PRKAG3: variants seen among roughly 807,000 people sequenced by gnomAD.
PRKAG3 encodes the protein protein kinase AMP-activated non-catalytic subunit gamma 3, also known as 5'-AMP-activated protein kinase subunit gamma-3.
A neutral mutation model predicts 56.5 loss-of-function variants in PRKAG3; 39 were observed. That is an observed-to-expected ratio of 0.69 (90% confidence interval 0.53 to 0.90). PRKAG3 has a LOEUF of 0.90. Among genes scored for constraint, PRKAG3 ranks in the 40% least tolerant of loss-of-function variants. The pLI is 0.00. For synonymous variants in PRKAG3, 243 were observed against 250.1 expected, an observed-to-expected ratio of 0.97 and a Z score of 0.27; for missense variants, 628 against 627.5, an observed-to-expected ratio of 1.00 and a Z score of -0.01.
chr2:218,830,753 CT>C lies in PRKAG3; in HGVS notation c.221del (p.Gln74ArgfsTer76). 1 of 1,612,408 alleles carries C rather than the reference CT, an allele frequency of 6.2e-7. No individual in the cohort carries two copies. The highest frequency in any genetic ancestry group is 8.5e-7 in the Non-Finnish European group (1 of 1,179,992). ...AACTGGCCTTGGCCTCACCTTCCCC[CT>C]GACCTGGTGGCTCCCCTTCCTCCAC... is the stretch of plus-strand genomic sequence containing the variant. On this transcript the variant is annotated frameshift_variant, in exon 3 of 13. Transcript: ENST00000529249. LOFTEE classifies it high-confidence loss of function.
intron 10 of PRKAG3, chr2:218,826,703 A>C (rs1468390055): frequency 5.2e-6 from 3 of 579,472 alleles, no homozygotes; most frequent in Non-Finnish European, 9.2e-6. Context: ...GTGAAGTCAG[A>C]AAGATGAGTG....
At chr2:218,831,237 G>A in intron 2 of PRKAG3, 99 bp downstream of exon 2, 1 of 963,654 alleles carries the variant, frequency 1.0e-6, no homozygotes, top group Non-Finnish European at 1.5e-6. Flanking sequence ...AAAGGAGGAA[G>A]ATAAAAGCCA....
Position 218,826,863 on chromosome 2 carries a change from A to G in PRKAG3, c.1168+65T>C. The G allele has an allele frequency of 2.5e-6, 4 of 1,593,924 alleles. No individual in the cohort carries two copies. In the South Asian group the frequency reaches 3.3e-5, roughly 13 times the overall value. ...GCATGAGAAACCCTGCCCTTCCCAT[A>G]TTCTCCCCACCAGGTTCTCCCAGGC... On this transcript the variant is annotated intron_variant, in intron 10 of 12. Transcript: ENST00000529249.
intron 1 of PRKAG3, 38 bp from the exon 2 acceptor site, chr2:218,831,413 G>C: frequency 6.4e-7 from 1 of 1,560,394 alleles, no homozygotes; most frequent in Non-Finnish European, 8.7e-7. Context: ...TGGGGAAAGT[G>C]CCTTACATTC....
intron 2 of PRKAG3, 41 bp from the exon 3 acceptor site, chr2:218,830,942 T>C (rs758547523): frequency 1.9e-6 from 3 of 1,592,010 alleles, no homozygotes; most frequent in Admixed American, 3.3e-5. Context: ...TAGGGAGTAA[T>C]GCATCAAAAT....
exon 12 of PRKAG3, chr2:218,824,281 G>A (rs1173446100): frequency 6.2e-7 from 1 of 1,614,042 alleles, no homozygotes; most frequent in Admixed American, 1.7e-5. Context: ...TGGCAGGAAA[G>A]GACTCCCTCC....
At chr2:218,829,489 T>G (rs2105988982) in intron 4 of PRKAG3, among the ~76,000 whole-genome samples, 1 of 150,852 alleles carries the variant, frequency 6.6e-6, no homozygotes, top group Middle Eastern at 3.4e-3. Context: ...GCCGGCTAAT[T>G]TTTTGTATTT....
chr2:218,829,472 C>T (rs1037797004), intron 4 of PRKAG3, among the ~76,000 whole-genome samples: 1 of 151,998 alleles, frequency 6.6e-6, no homozygotes, highest in South Asian at 2.1e-4. Flanking sequence ...AGGCGCCCAC[C>T]ACCACGGCCG....
At chr2:218,831,485 A>C (rs1392296543) in intron 1 of PRKAG3, 110 bp from the exon 2 acceptor site, 54 of 1,089,814 alleles carry the variant, frequency 5.0e-5, no homozygotes, top group Non-Finnish European at 7.2e-5. Flanking sequence ...ACACGCTCAG[A>C]CACACGCCAT....
intron 1 of PRKAG3, 131 bp downstream of exon 1, chr2:218,831,607 C>A: frequency 8.0e-7 from 1 of 1,246,816 alleles, no homozygotes; most frequent in Non-Finnish European, 1.1e-6. Flanking sequence ...ATGCACATGC[C>A]CATATTCACG....
chr2:218,823,403 T>C (rs914081456), exon 13 of PRKAG3: 9 of 315,746 alleles, frequency 2.9e-5, no homozygotes, highest in Non-Finnish European at 3.7e-5. Context: ...CTTCCCAGAG[T>C]GTCTGAAGTC....
chr2:218,828,622 T>C (rs758669166), intron 4 of PRKAG3, 22 bp from the exon 5 acceptor site: 1 of 1,606,068 alleles, frequency 6.2e-7, no homozygotes, highest in Non-Finnish European at 8.5e-7. Context: ...GGGAGAACAG[T>C]CAAGGGTGGG....
At position 218,827,265 on chromosome 2, in the gene PRKAG3, G is replaced by A; in HGVS notation, c.984C>T (p.Leu328=). Reference sequence around the variant, plus strand: ...GGCTTACAAAGATGTGCAGGAACTTGAGCAGGCGTTTGTGTGTGAGGATGT... The same window carrying A: ...GGCTTACAAAGATGTGCAGGAACTTAAGCAGGCGTTTGTGTGTGAGGATGT... Residue 328 remains leucine (L), a synonymous_variant, in exon 9 of 13, where the codon CTC becomes CTT. Transcript: ENST00000529249. This position sits in a 1 kb window ranked among gnomAD's most constrained non-coding sequence, Gnocchi z 5.3. 1.2e-6 allele frequency: 2 copies of A among 1,614,178 alleles called. No homozygotes were observed. The highest frequency in any genetic ancestry group is 1.7e-6 in the Non-Finnish European group (2 of 1,180,042).
At chr2:218,830,071 G>A (rs35658907) in exon 4 of PRKAG3, 44,922 of 1,613,550 alleles carry the variant, frequency 0.028, 725 homozygotes, top group Non-Finnish European at 0.033. Context: ...AGATCTGGGC[G>A]CCGGGTTTCC....
chr2:218,826,791 A>G, intron 10 of PRKAG3, 137 bp downstream of exon 10: 11 of 1,158,796 alleles, frequency 9.5e-6, no homozygotes, highest in Non-Finnish European at 1.4e-5. Flanking sequence ...CTCAGAGTAG[A>G]CGGAGACTTC....
chr2:218,828,356 G>C (rs1943968290), intron 5 of PRKAG3, among the ~76,000 whole-genome samples, 163 bp downstream of exon 5: 1 of 152,226 alleles, frequency 6.6e-6, no homozygotes, highest in African/African-American at 2.4e-5. Flanking sequence ...GGGTCTCCCA[G>C]CTGGCCATGC....
At position 218,827,774 on chromosome 2, in the gene PRKAG3, A is replaced by T. The variant is rs1474629645; in HGVS notation, c.820+59T>A. 3.2e-6 allele frequency: 5 copies of T among 1,578,982 alleles called. No homozygotes were observed. In the South Asian group the frequency reaches 5.6e-5, roughly 18 times the overall value. On this transcript the variant is annotated intron_variant, in intron 7 of 12. Transcript: ENST00000529249. This position sits in a 1 kb window ranked among gnomAD's most constrained non-coding sequence, Gnocchi z 5.3. ...AGGACATCCCCACTGCCCATCCTCCACCTTAAGCCCTGGCCCACCATCACC... is the reference window on the plus strand; with the variant it reads ...AGGACATCCCCACTGCCCATCCTCCTCCTTAAGCCCTGGCCCACCATCACC...
In PRKAG3 at chr2:218,830,799, C is replaced by T. The variant is rs746256172; in HGVS notation, c.176G>A (p.Arg59Lys). 3.1e-6 allele frequency: 5 copies of T among 1,613,364 alleles called. No individual in the cohort carries two copies. The highest frequency in any genetic ancestry group is 4.5e-5 in the East Asian group (2 of 44,874). ...CTCCACCGACTTCTGCCTTGTCCAT[C>T]TCAAGGCTTTGGCCCTCCGTTTCCC... is the stretch of plus-strand genomic sequence containing the variant. The change falls in exon 3 of 13, where the codon AGA (arginine) becomes AAA (lysine). Residue 59 changes from arginine (R) to lysine (K), a missense_variant. By Grantham distance (26) the Arg-to-Lys change is conservative (BLOSUM62 2). Coordinates refer to ENST00000529249, the Ensembl canonical transcript of PRKAG3.
chr2:218,827,451 C>T lies in PRKAG3; in HGVS notation c.876-78G>A. 6.2e-7 allele frequency: 1 copy of T among 1,608,618 alleles called. No homozygotes were observed. Among genetic ancestry groups the T allele is most frequent in the Non-Finnish European group, 8.5e-7 (1 of 1,175,362 alleles). On this transcript the variant is annotated intron_variant, in intron 8 of 12. Transcript: ENST00000529249. The surrounding 1 kb of genome is among the most constrained non-coding windows in gnomAD (Gnocchi z 5.3). ...CATCCCAGGCCCCTAAAAAGGAGGG[C>T]AGGGCACCAAGGCTCCCTTGTCTGT...
Sources: allele counts gnomAD v4.1 joint callset (sites outside exome capture counted in the v4.1 genomes callset), GRCh38; gene constraint gnomAD v4.1.1; non-coding constraint Gnocchi (gnomAD v3.1); transcripts MANE v1.5; gene names NCBI Gene and HGNC (gene_info 2026-07-23, HGNC 2026-07-21).